Variants in PGPEP1 observed in about 807,000 individuals in gnomAD.
The protein encoded by PGPEP1 is pyroglutamyl-peptidase 1.
A neutral mutation model predicts 24.1 loss-of-function variants in PGPEP1; 15 were observed. The ratio of observed to expected loss-of-function variants is 0.62; its 90% CI spans 0.42 to 0.96. The LOEUF (loss-of-function observed/expected upper bound fraction) is 0.96, where lower values mean the gene tolerates loss of function less well. Among genes scored for constraint, PGPEP1 ranks in the 40% least tolerant of loss-of-function variants. The pLI is 0.00. For missense variants in PGPEP1, 242 were observed against 273.4 expected (o/e 0.89, Z 0.81); for synonymous variants, 122 against 116.4 (o/e 1.05, Z -0.31).
intron 4 of PGPEP1, among the ~76,000 whole-genome samples, chr19:18,361,214 C>T (rs866172829): frequency 2.6e-5 from 4 of 151,674 alleles, no homozygotes; most frequent in Admixed American, 6.6e-5. Context: ...CTCAGCTCAC[C>T]GCAACCTCTG....
intron 4 of PGPEP1, chr19:18,357,892 T>C (rs1276210401): frequency 6.1e-5 from 29 of 472,610 alleles, no homozygotes; most frequent in Non-Finnish European, 9.3e-5. Context: ...TCTTCCTCCC[T>C]GCTGCCTCCA....
chr19:18,360,032 TCTCG>T (rs1325847195), intron 4 of PGPEP1, among the ~76,000 whole-genome samples: 1 of 152,164 alleles, frequency 6.6e-6, no homozygotes, highest in Non-Finnish European at 1.5e-5. Context: ...GGAGACAGGA[TCTCG>T]CTCTGTTGCA....
At chr19:18,340,970 G>GC (rs947059290) in intron 1 of PGPEP1, among the ~76,000 whole-genome samples, 6 of 151,974 alleles carry the variant, frequency 3.9e-5, no homozygotes, top group Non-Finnish European at 7.4e-5. Context: ...CGCTGCGCAG[G>GC]CCCCCCTGGC....
intron 1 of PGPEP1, among the ~76,000 whole-genome samples, chr19:18,342,188 C>T (rs1970690582): frequency 1.3e-5 from 2 of 152,178 alleles, no homozygotes; most frequent in African/African-American, 4.8e-5. Flanking sequence ...GAATTACAGG[C>T]ATGAGCCACC....
intron 2 of PGPEP1, among the ~76,000 whole-genome samples, chr19:18,352,628 G>A (rs867519808): frequency 1.0e-4 from 15 of 149,722 alleles, no homozygotes; most frequent in Admixed American, 9.4e-4. Flanking sequence ...ATCTGGGCTC[G>A]CACTGCAACC....
rs565427625 is a variant in PGPEP1, at chr19:18,349,407, T to C, written c.88-6488T>C. 2.0e-5 allele frequency among the ~76,000 whole-genome samples: 3 copies of C among 151,492 alleles called. No homozygotes were observed. In the South Asian group the frequency reaches 6.3e-4, roughly 32 times the overall value. On this transcript the variant is annotated intron_variant, in intron 2 of 4. Transcript: ENST00000269919. ...AACTCCTGGCCTCAAGCAATCCTCC[T>C]GCCTCAGCCTCCCAAATCGCTGGGA...
chr19:18,341,360 C>G (rs368332966), intron 1 of PGPEP1, among the ~76,000 whole-genome samples: 2 of 152,142 alleles, frequency 1.3e-5, no homozygotes, highest in Non-Finnish European at 2.9e-5. Context: ...ACCGACTCCC[C>G]CCCACCCCCA....
chr19:18,354,937 G>A (rs1600213231), intron 2 of PGPEP1, among the ~76,000 whole-genome samples: 1 of 148,824 alleles, frequency 6.7e-6, no homozygotes, highest in East Asian at 2.0e-4. Flanking sequence ...AATTTTGAAA[G>A]CTATCCTGTG....
chr19:18,349,389 G>C (rs963461442), intron 2 of PGPEP1, among the ~76,000 whole-genome samples: 2 of 151,890 alleles, frequency 1.3e-5, no homozygotes, highest in African/African-American at 4.8e-5. Context: ...TTGAACTCCT[G>C]GCCTCAAGCA....
chr19:18,346,695 C>T (rs1024210016), intron 2 of PGPEP1, among the ~76,000 whole-genome samples: 1 of 127,176 alleles, frequency 7.9e-6, no homozygotes, highest in Non-Finnish European at 1.6e-5. Context: ...GGCTGTAGTG[C>T]AATGGCACAA....
At chr19:18,344,428 A>C (rs771226412) in intron 2 of PGPEP1, among the ~76,000 whole-genome samples, 3 of 152,126 alleles carry the variant, frequency 2.0e-5, no homozygotes, top group Non-Finnish European at 4.4e-5. Flanking sequence ...ATCCTAGCCT[A>C]TGAGCTGCCT....
intron 4 of PGPEP1, 72 bp from the exon 5 acceptor site, chr19:18,363,319 C>A: frequency 1.6e-6 from 2 of 1,273,486 alleles, no homozygotes; most frequent in Non-Finnish European, 2.2e-6. Flanking sequence ...TGGGTGCTGT[C>A]ACCTTGGTCT....
At position 18,340,670 on chromosome 19, in the gene PGPEP1, C is replaced by T. The variant is rs1425308116; in HGVS notation, c.-12C>T. 1.9e-6 allele frequency: 3 copies of T among 1,540,466 alleles called. No homozygotes were observed. The highest frequency in any genetic ancestry group is 2.6e-6 in the Non-Finnish European group (3 of 1,146,092). ...CAACAGAAGCAGGTCCGAGGCACAG[C>T]CCGATCCCGCCATGGAGCAGCCGAG... is the stretch of plus-strand genomic sequence containing the variant. On this transcript the variant is annotated 5_prime_UTR_variant, in exon 1 of 5. Transcript: ENST00000269919.
chr19:18,354,571 G>A (rs543169699), intron 2 of PGPEP1, among the ~76,000 whole-genome samples: 44 of 152,266 alleles, frequency 2.9e-4, no homozygotes, highest in South Asian at 1.7e-3. Flanking sequence ...AGGCTGGAGC[G>A]CAGTGGCACG....
rs955420012 is a variant in PGPEP1 at position 18,355,928 on chromosome 19, G to C, written c.121G>C (p.Asp41His). The C allele has an allele frequency of 6.2e-7, 1 of 1,613,506 alleles. No individual in the cohort carries two copies. The highest frequency in any genetic ancestry group is 1.7e-5 in the Admixed American group (1 of 59,986). The change falls in exon 3 of 5, where the codon GAC (aspartate) becomes CAC (histidine). Residue 41 changes from aspartate (D) to histidine (H), a missense_variant. Coordinates refer to ENST00000269919, the MANE Select transcript of PGPEP1 (RefSeq NM_017712.4). Reference sequence around the variant, plus strand: ...AAAGCTAGGCCTTGGCGACAGCGTGGACCTGCATGTGTACGAGATTCCGGT... The same window carrying C: ...AAAGCTAGGCCTTGGCGACAGCGTGCACCTGCATGTGTACGAGATTCCGGT... ...LEKLGLGDSV[D>H]LHVYEIPVEY... is the part of the protein sequence containing the mutation.
chr19:18,356,864 C>G (rs921479988), intron 3 of PGPEP1, among the ~76,000 whole-genome samples: 11 of 152,104 alleles, frequency 7.2e-5, no homozygotes, highest in Non-Finnish European at 1.5e-4. Flanking sequence ...TATGGTGAAA[C>G]CCTGTCTCTA....
At chr19:18,363,027 TTTTG>T (rs1003032510) in intron 4 of PGPEP1, among the ~76,000 whole-genome samples, 3 of 69,444 alleles carry the variant, frequency 4.3e-5, no homozygotes, top group East Asian at 4.2e-4. Context: ...ATCAAGTTTT[TTTTG>T]TTTGTGTGTG....
At position 18,363,718 on chromosome 19, in the gene PGPEP1, C is replaced by T. The variant is rs1225270326; in HGVS notation, c.*135C>T. 6 of 597,738 alleles carry T rather than the reference C, an allele frequency of 1.0e-5. No homozygotes were observed. Among genetic ancestry groups the T allele is most frequent in the Middle Eastern group, 4.7e-4 (1 of 2,150 alleles). The allele number at this position is 597,738 out of a possible 1,614,324, so 37.0% of individuals were successfully genotyped here. On this transcript the variant is annotated 3_prime_UTR_variant, in exon 5 of 5. Transcript: ENST00000269919. ...TCTGGAAGAGAGATTCTGATCTGCC[C>T]ACCTCCTCTTCCTCCTTCTCTACAA... is the stretch of plus-strand genomic sequence containing the variant.
intron 1 of PGPEP1, among the ~76,000 whole-genome samples, chr19:18,342,261 G>A (rs750847602): frequency 2.2e-4 from 34 of 152,048 alleles, no homozygotes; most frequent in Admixed American, 2.1e-3. Context: ...TGTGACCTTG[G>A]GCAGCTAGCT....
Sources: gnomAD v4.1 joint callset for allele counts (sites outside exome capture counted in the v4.1 genomes callset) on GRCh38, gnomAD v4.1.1 for gene constraint, MANE v1.5 for transcripts, NCBI Gene and HGNC (gene_info 2026-07-23, HGNC 2026-07-21) for gene names.